The following SLC20A1 variants were observed in gnomAD, a reference collection of about 807,000 sequenced individuals.
SLC20A1 encodes sodium-dependent phosphate transporter 1.
SLC20A1 carries 28 observed loss-of-function variants against 62.7 expected under a neutral mutation model. The ratio of observed to expected loss-of-function variants is 0.45; its 90% confidence interval spans 0.33 to 0.61. The LOEUF (loss-of-function observed/expected upper bound fraction) is 0.61. Among genes scored for constraint, SLC20A1 ranks in the 20% least tolerant of loss-of-function variants. The pLI is 0.02. For synonymous variants in SLC20A1, 305 were observed against 302.9 expected, an observed-to-expected ratio of 1.01 and a Z score of -0.07; for missense variants, 673 against 838.6, an observed-to-expected ratio of 0.80 and a Z score of 2.44.
Position 112,646,931 on chromosome 2 carries a change from T to G in SLC20A1, c.103T>G (p.Leu35Val), listed in dbSNP as rs1166739937. The stretch of plus-strand genomic sequence containing the variant: ...CCTGGGCTTCATTATTGCATTTGTC[T>G]TGGCATTCTCCGTGGGAGCCAATGA... ...LILGFIIAFV[L>V]AFSVGANDVA... The change falls in exon 2 of 11, where the codon TTG becomes GTG. Residue 35 changes from leucine to valine, a missense_variant. By Grantham distance (32) the Leu-to-Val change is conservative (BLOSUM62 1). Transcript: ENST00000272542. The G allele has an allele frequency of 6.2e-7, 1 of 1,613,966 alleles. No homozygotes were observed. Among genetic ancestry groups the G allele is most frequent in the African/African-American group, 1.3e-5 (1 of 74,882 alleles).
chr2:112,647,119 G>C lies in SLC20A1; in HGVS notation c.291G>C (p.Ser97=), dbSNP rs1334546256. 8.7e-6 allele frequency: 14 copies of C among 1,613,948 alleles called. No homozygotes were observed. Among genetic ancestry groups the C allele is most frequent in the South Asian group, 1.1e-5 (1 of 91,064 alleles). The change falls in exon 2 of 11, where the codon TCG becomes TCC. Residue 97 remains serine, a synonymous_variant. Coordinates refer to ENST00000272542, the MANE Select transcript of SLC20A1 (RefSeq NM_005415.5). ...TGATTGACGTGGAGATGTACAACTC[G>C]ACTCAAGGGCTGCTGATGGCCGGCT... The part of the protein sequence containing the change: ...KGLIDVEMYN[S]TQGLLMAGSV...
chr2:112,660,873 T>A, intron 9 of SLC20A1: 1 of 490,570 alleles, frequency 2.0e-6, no homozygotes, highest in Non-Finnish European at 3.6e-6. Flanking sequence ...AGACTCAATG[T>A]TTACCAAACT....
chr2:112,662,547 T>C (rs1046837880), intron 10 of SLC20A1, among the ~76,000 whole-genome samples: 1 of 152,190 alleles, frequency 6.6e-6, no homozygotes, highest in Non-Finnish European at 1.5e-5. Flanking sequence ...GCCACTGTAC[T>C]CCAGCCTGGG....
At chr2:112,655,702 C>T (rs1203941992) in intron 5 of SLC20A1, among the ~76,000 whole-genome samples, 10 of 151,928 alleles carry the variant, frequency 6.6e-5, no homozygotes, top group Admixed American at 2.0e-4. Context: ...TACTTCTTTT[C>T]GTTTGTTTTT....
intron 5 of SLC20A1, among the ~76,000 whole-genome samples, chr2:112,656,801 A>C (rs964082355): frequency 6.6e-6 from 1 of 152,226 alleles, no homozygotes; most frequent in Non-Finnish European, 1.5e-5. Flanking sequence ...ATAGCTAGTC[A>C]TAGGTCCTTA....
intron 4 of SLC20A1, among the ~76,000 whole-genome samples, chr2:112,648,102 T>C (rs567930798): frequency 6.6e-5 from 10 of 152,264 alleles, no homozygotes. Context: ...TTCAAGACAG[T>C]GTCCCCTGTG....
At chr2:112,656,282 G>A (rs553106300) in intron 5 of SLC20A1, among the ~76,000 whole-genome samples, 10 of 143,118 alleles carry the variant, frequency 7.0e-5, no homozygotes, top group Admixed American at 4.4e-4. Context: ...TGCAACCTCC[G>A]CCCTGCCAGG....
intron 6 of SLC20A1, chr2:112,658,419 G>C (rs1686655741): frequency 6.3e-6 from 1 of 157,616 alleles, no homozygotes; most frequent in African/African-American, 2.4e-5. Context: ...GAAAAGAATA[G>C]AATTGGGTAC....
chr2:112,652,417 C>A, intron 4 of SLC20A1: 1 of 452,356 alleles, frequency 2.2e-6, no homozygotes, highest in Non-Finnish European at 4.0e-6. Flanking sequence ...CTTTTGGGTA[C>A]CTTAGAATGT....
Position 112,647,027 on chromosome 2 carries a change from A to G in SLC20A1, c.199A>G (p.Ser67Gly), listed in dbSNP as rs780760665. 6.2e-7 allele frequency: 1 copy of G among 1,614,148 alleles called. No homozygotes were observed. The highest frequency in any genetic ancestry group is 2.2e-5 in the East Asian group (1 of 44,890). Residue 67 changes from serine to glycine, a missense_variant, in exon 2 of 11, where the codon AGC becomes GGC. Physicochemically the swap from Ser to Gly is moderately conservative, Grantham distance 56. Coordinates refer to ENST00000272542, the MANE Select transcript of SLC20A1 (RefSeq NM_005415.5). ...VTLKQACILA[S>G]IFETVGSVLL... is the part of the protein sequence containing the mutation. ...CCTGAAGCAAGCCTGCATCCTAGCT[A>G]GCATCTTTGAAACAGTGGGCTCTGT...
intron 5 of SLC20A1, among the ~76,000 whole-genome samples, chr2:112,654,463 G>C (rs936453462): frequency 7.2e-5 from 11 of 152,204 alleles, no homozygotes; most frequent in African/African-American, 2.2e-4. Flanking sequence ...AGAAAAACCA[G>C]TCTCTTTCCT....
At chr2:112,648,619 T>A (rs1378717443) in intron 4 of SLC20A1, among the ~76,000 whole-genome samples, 3 of 152,250 alleles carry the variant, frequency 2.0e-5, no homozygotes, top group Non-Finnish European at 4.4e-5. Flanking sequence ...AGGGAAAGAT[T>A]TGTCTCTTCT....
In SLC20A1 at chr2:112,662,844, T is replaced by TCAGG. The variant is rs1246314278; in HGVS notation, c.1879-20_1879-19insCAGG. ...ACTGGCACTTCAATAACCTGTTTCC[T>TCAGG]TGGTCTGCTTCTCTTCTAGGTGGGC... On this transcript the variant is annotated intron_variant, in intron 10 of 10. Coordinates refer to ENST00000272542, the MANE Select transcript of SLC20A1 (RefSeq NM_005415.5). 7 of 1,611,732 alleles carry TCAGG rather than the reference T, an allele frequency of 4.3e-6. No homozygotes were observed. Among genetic ancestry groups the TCAGG allele is most frequent in the Middle Eastern group, 1.7e-4 (1 of 5,916 alleles).
chr2:112,654,601 G>A (rs889324927), intron 5 of SLC20A1, among the ~76,000 whole-genome samples: 3 of 152,050 alleles, frequency 2.0e-5, no homozygotes, highest in Admixed American at 6.6e-5. Context: ...AGTCACCATA[G>A]AATTGTAGTT....
chr2:112,647,749 TCCC>T lies in SLC20A1; in HGVS notation c.561+14_561+16del. 1 of 1,602,878 alleles carries T rather than the reference TCCC, an allele frequency of 6.2e-7. No individual in the cohort carries two copies. Among genetic ancestry groups the T allele is most frequent in the Non-Finnish European group, 8.5e-7 (1 of 1,169,772 alleles). On this transcript the variant is annotated intron_variant, in intron 4 of 10. Coordinates refer to ENST00000272542, the MANE Select transcript of SLC20A1 (RefSeq NM_005415.5). ...TTCATCCTCCATAAGGTAACCTTTC[TCCC>T]CCGTATGAAGACCTTTCATGGAGCA...
intron 3 of SLC20A1, 58 bp downstream of exon 3, chr2:112,647,522 A>G (rs1000613016): frequency 1.3e-6 from 2 of 1,591,968 alleles, no homozygotes; most frequent in East Asian, 2.2e-5. Flanking sequence ...TTACCATGGC[A>G]TTAGGTATGG....
chr2:112,652,853 C>G (rs1182350795), intron 5 of SLC20A1, 55 bp downstream of exon 5: 2 of 1,612,424 alleles, frequency 1.2e-6, no homozygotes, highest in Non-Finnish European at 1.7e-6. Context: ...ACAAAACTTG[C>G]ATTAAATGCC....
At chr2:112,662,207 T>C (rs955699846) in intron 10 of SLC20A1, among the ~76,000 whole-genome samples, 1 of 152,210 alleles carries the variant, frequency 6.6e-6, no homozygotes, top group Non-Finnish European at 1.5e-5. Context: ...CGGATGTGTC[T>C]CCAGACAATT....
chr2:112,658,265 G>A (rs1226122751), intron 6 of SLC20A1: 1 of 152,574 alleles, frequency 6.6e-6, no homozygotes, highest in Non-Finnish European at 1.5e-5. Context: ...AAGATACTCT[G>A]GTCTGCCTGT....
Sources: allele counts gnomAD v4.1 joint callset (sites outside exome capture counted in the v4.1 genomes callset), GRCh38; gene constraint gnomAD v4.1.1; transcripts MANE v1.5; gene names NCBI Gene and HGNC (gene_info 2026-07-23, HGNC 2026-07-21).